The following NFATC2 variants were observed in gnomAD, a reference collection of about 807,000 sequenced individuals.
NFATC2 encodes nuclear factor of activated T cells 2.
Under a neutral mutation model 87.3 loss-of-function variants are expected in NFATC2, and 22 were observed. The ratio of observed to expected loss-of-function variants is 0.25; its 90% CI spans 0.18 to 0.36. The LOEUF (loss-of-function observed/expected upper bound fraction) is 0.36, where lower values mean the gene tolerates loss of function less well. Among genes scored for constraint, NFATC2 ranks in the 10% least tolerant of loss-of-function variants. The pLI is 1.00. For missense variants in NFATC2, 1,149 were observed against 1,259.1 expected (o/e 0.91, Z 1.32); for synonymous variants, 565 against 542.2 (o/e 1.04, Z -0.58).
intron 1 of NFATC2, among the ~76,000 whole-genome samples, chr20:51,561,907 T>G (rs2077036468): frequency 6.6e-6 from 1 of 152,042 alleles, no homozygotes; most frequent in African/African-American, 2.4e-5. Flanking sequence ...ATACCAGGAC[T>G]AAATCCAAGA....
chr20:51,523,308 G>A lies in NFATC2; in HGVS notation c.933C>T (p.Ala311=). The A allele has an allele frequency of 6.2e-7, 1 of 1,613,742 alleles. No homozygotes were observed. Among genetic ancestry groups the A allele is most frequent in the South Asian group, 1.1e-5 (1 of 91,058 alleles). The change falls in exon 2 of 11, where the codon GCC becomes GCT. Residue 311 remains alanine (A), a synonymous_variant. Transcript: ENST00000371564. The surrounding 1 kb of genome is among the most constrained non-coding windows in gnomAD (Gnocchi z 6.9). ...GGGGGATCCCACAAGGCGAGTCCGTGGCGAGGCTGTTCAGGGCATCCATGA... is the reference window on the plus strand; with the variant it reads ...GGGGGATCCCACAAGGCGAGTCCGTAGCGAGGCTGTTCAGGGCATCCATGA... ...AVIMDALNSL[A]TDSPCGIPPK...
At chr20:51,404,876 C>T (rs1988407189) in intron 9 of NFATC2, among the ~76,000 whole-genome samples, 8 of 152,214 alleles carry the variant, frequency 5.3e-5, no homozygotes, top group Admixed American at 5.2e-4. Flanking sequence ...CTCCGGAAAC[C>T]AGCCCAGACA....
intron 3 of NFATC2, among the ~76,000 whole-genome samples, chr20:51,507,046 G>A (rs1042438807): frequency 4.6e-5 from 7 of 152,196 alleles, no homozygotes; most frequent in South Asian, 2.1e-4. Flanking sequence ...CGGCTGGAGC[G>A]CTCCACAGGC....
chr20:51,489,843 G>C (rs549458683), intron 3 of NFATC2, among the ~76,000 whole-genome samples: 5 of 152,290 alleles, frequency 3.3e-5, no homozygotes, highest in African/African-American at 1.2e-4. Context: ...CAATCCAAAA[G>C]AACGTCTAGA....
At chr20:51,465,591 T>A (rs1442501553) in intron 5 of NFATC2, among the ~76,000 whole-genome samples, 1 of 152,142 alleles carries the variant, frequency 6.6e-6, no homozygotes, top group East Asian at 1.9e-4. Context: ...AGGGCCTTTG[T>A]ACTGGCTATA....
chr20:51,417,964 C>T (rs556908778), intron 9 of NFATC2, among the ~76,000 whole-genome samples: 1 of 152,338 alleles, frequency 6.6e-6, no homozygotes, highest in South Asian at 2.1e-4. Context: ...CCGGGCAGTC[C>T]GTAAGTCACT....
chr20:51,523,782 C>T lies in NFATC2; in HGVS notation c.459G>A (p.Leu153=), dbSNP rs56102752. The T allele has an allele frequency of 2.1e-5, 33 of 1,609,322 alleles. No individual in the cohort carries two copies. The highest frequency in any genetic ancestry group is 2.7e-5 in the Non-Finnish European group (32 of 1,177,752). The change falls in exon 2 of 11, where the codon CTG becomes CTA. Residue 153 remains leucine (L), a synonymous_variant. Coordinates refer to ENST00000371564, the MANE Select transcript of NFATC2 (RefSeq NM_012340.5). This position sits in a 1 kb window ranked among gnomAD's most constrained non-coding sequence, Gnocchi z 6.9. ...GGTAGCCCTCGAAGCCGGGCACGGG[C>T]AGGGTGAACCTCGGGCTGGCGGCCA... is the stretch of plus-strand genomic sequence containing the variant. ...AGVAASPRFT[L]PVPGFEGYRE...
chr20:51,416,675 G>GTGC (rs1980083819), intron 9 of NFATC2, among the ~76,000 whole-genome samples: 1 of 152,194 alleles, frequency 6.6e-6, no homozygotes, highest in Non-Finnish European at 1.5e-5. Flanking sequence ...TCTCTATGGA[G>GTGC]TGCTGTGTGG....
rs764317763 is a variant in NFATC2, at chr20:51,474,149, G to A, written c.1539C>T (p.Ile513=). 4.3e-6 allele frequency: 7 copies of A among 1,614,000 alleles called. No individual in the cohort carries two copies. The Admixed American group carries it at 1.2e-4, about 27-fold the overall frequency. ...LEPKNNMRAT[I]DCAGILKLRN... is the part of the protein sequence containing the mutation. ...TAAGCTTCAAGATCCCCGCACAGTC[G>A]ATGCTGCCAGGATGTTAAGAACCCC... Residue 513 remains isoleucine (I), a synonymous_variant, in exon 5 of 11, where the codon ATC becomes ATT. Transcript: ENST00000371564.
chr20:51,542,630 G>A lies in NFATC2; in HGVS notation c.-131C>T. On this transcript the variant is annotated 5_prime_UTR_variant, in exon 1 of 11. Coordinates refer to ENST00000371564, the MANE Select transcript of NFATC2 (RefSeq NM_012340.5). ...CCTTTCCTCGTAGGGACGCACGCCG[G>A]GTCCGGGGACGGCGCGCCTGGCGCA... The A allele has an allele frequency of 2.5e-6, 3 of 1,203,758 alleles. No individual in the cohort carries two copies. The highest frequency in any genetic ancestry group is 8.1e-5 in the South Asian group (2 of 24,600). 74.6% of individuals were successfully genotyped at this position (1,203,758 alleles called of 1,614,324 possible). A position where few individuals can be genotyped will look rare whatever the true frequency, so the allele number is the denominator to read the frequency against.
intron 6 of NFATC2, among the ~76,000 whole-genome samples, chr20:51,448,551 G>A (rs1316014942): frequency 6.6e-6 from 1 of 152,238 alleles, no homozygotes; most frequent in Non-Finnish European, 1.5e-5. Context: ...GGCTGGGGCA[G>A]GAGAATGGCG....
intron 5 of NFATC2, among the ~76,000 whole-genome samples, chr20:51,462,898 G>A (rs1028005189): frequency 5.3e-5 from 8 of 152,216 alleles, no homozygotes; most frequent in Non-Finnish European, 1.2e-4. Flanking sequence ...TACACTGGGG[G>A]ATTCCGCTAC....
At chr20:51,438,663 G>C (rs1265560221) in intron 6 of NFATC2, among the ~76,000 whole-genome samples, 2 of 152,198 alleles carry the variant, frequency 1.3e-5, no homozygotes, top group Non-Finnish European at 2.9e-5. Context: ...CTCATGGACT[G>C]TCCTCTCCGG....
rs117859153 is a variant in NFATC2 at position 51,529,219 on chromosome 20, T to A, written c.131-5109A>T. Among the ~76,000 whole-genome samples, 856 of 152,338 alleles carry A rather than the reference T, an allele frequency of 5.6e-3. 15 individuals are homozygous for A. Among genetic ancestry groups the A allele is most frequent in the Admixed American group, 0.037 (559 of 15,292 alleles). ...ATCAGAAACACACCCTTGGGGCTGA[T>A]GTGCACAGTCCACAGAAACGCAGTC... On this transcript the variant is annotated intron_variant, in intron 1 of 10. Coordinates refer to ENST00000371564, the MANE Select transcript of NFATC2 (RefSeq NM_012340.5).
intron 1 of NFATC2, among the ~76,000 whole-genome samples, chr20:51,533,933 T>G (rs1236222540): frequency 6.6e-6 from 1 of 152,232 alleles, no homozygotes; most frequent in Admixed American, 6.5e-5. Flanking sequence ...AGGACTCATC[T>G]CCATCTTCAA....
At position 51,389,653 on chromosome 20, in the gene NFATC2, T is replaced by G. The variant is rs930478724; in HGVS notation, c.*1843A>C. 6.6e-6 allele frequency: 1 copy of G among 152,094 alleles called. No individual in the cohort carries two copies. The highest frequency in any genetic ancestry group is 2.4e-5 in the African/African-American group (1 of 41,410). 9.4% of individuals were successfully genotyped at this position (152,094 alleles called of 1,614,324 possible). On this transcript the variant is annotated 3_prime_UTR_variant, in exon 11 of 11. Coordinates refer to ENST00000371564, the MANE Select transcript of NFATC2 (RefSeq NM_012340.5). ...AAGGTCGTTCATTGTCAGGGAAAAA[T>G]AAATGCTAGGTATCGACCGACAGGT...
intron 6 of NFATC2, among the ~76,000 whole-genome samples, chr20:51,445,833 G>A (rs868864974): frequency 6.6e-6 from 1 of 152,214 alleles, no homozygotes; most frequent in African/African-American, 2.4e-5. Flanking sequence ...AGCACCGGGG[G>A]CTGAGTGAGT....
chr20:51,427,421 A>G (rs1981999417), intron 9 of NFATC2, among the ~76,000 whole-genome samples: 2 of 152,148 alleles, frequency 1.3e-5, no homozygotes, highest in Admixed American at 1.3e-4. Flanking sequence ...CATTTGGGCA[A>G]TTCCAGTTGC....
intron 5 of NFATC2, among the ~76,000 whole-genome samples, chr20:51,456,931 G>C (rs369469696): frequency 6.6e-6 from 1 of 152,228 alleles, no homozygotes; most frequent in African/African-American, 2.4e-5. Flanking sequence ...TCCACCTTGA[G>C]AGTGCCACCC....
Sources: allele counts gnomAD v4.1 joint callset (sites outside exome capture counted in the v4.1 genomes callset), GRCh38; gene constraint gnomAD v4.1.1; non-coding constraint Gnocchi (gnomAD v3.1); transcripts MANE v1.5; gene names NCBI Gene and HGNC (gene_info 2026-07-23, HGNC 2026-07-21).